Variants in LRFN1 observed in about 807,000 individuals in gnomAD.
LRFN1 encodes leucine-rich repeat and fibronectin type III domain-containing protein 1.
Under a neutral mutation model 31.8 loss-of-function variants are expected in LRFN1, and 20 were observed. The observed-to-expected ratio is 0.63, with a 90% CI of 0.44 to 0.91. The LOEUF is 0.91. Among genes scored for constraint, LRFN1 ranks in the 40% least tolerant of loss-of-function variants. The pLI, the probability that LRFN1 is intolerant of heterozygous loss-of-function variation, is 0.00. For missense variants in LRFN1, 912 were observed against 1,129.8 expected (o/e 0.81, Z 2.76); for synonymous variants, 514 against 541.3 (o/e 0.95, Z 0.70).
chr19:39,310,851 A>G (rs2075148187), intron 4 of LRFN1, among the ~76,000 whole-genome samples: 1 of 151,850 alleles, frequency 6.6e-6, no homozygotes, highest in Non-Finnish European at 1.5e-5. Context: ...TTCTCCCACT[A>G]CCAAGAGCCA....
chr19:39,311,735 G>A (rs1204257801), intron 4 of LRFN1, among the ~76,000 whole-genome samples: 3 of 152,162 alleles, frequency 2.0e-5, no homozygotes, highest in Non-Finnish European at 4.4e-5. Flanking sequence ...ATGTTTGTAA[G>A]GCTGGGCCAG....
chr19:39,320,143 C>T (rs934988765), intron 1 of LRFN1, among the ~76,000 whole-genome samples: 4 of 150,220 alleles, frequency 2.7e-5, no homozygotes, highest in Admixed American at 2.0e-4. Context: ...ATGGCCGCTT[C>T]CCCCAGGACC....
rs30476 is a variant in LRFN1 at position 39,307,245 on chromosome 19, C to T, written c.*388G>A. ...TCCAGCCAGATACAAGAAATGGGCC[C>T]CTCGCCCCGGCCCCGGGTGACGGGC... On this transcript the variant is annotated 3_prime_UTR_variant, in exon 5 of 5. Transcript: ENST00000248668. The surrounding 1 kb of genome is among the most constrained non-coding windows in gnomAD (Gnocchi z 6.7). 14,581 of 397,856 alleles carry T rather than the reference C, an allele frequency of 0.037. 1,813 individuals are homozygous for T. Among genetic ancestry groups the T allele is most frequent in the African/African-American group, 0.27 (13,005 of 48,600 alleles). 24.6% of individuals were successfully genotyped at this position (397,856 alleles called of 1,614,324 possible).
chr19:39,307,486 G>T lies in LRFN1; in HGVS notation c.*147C>A. The T allele has an allele frequency of 1.1e-6, 1 of 936,752 alleles. No homozygotes were observed. The highest frequency in any genetic ancestry group is 1.4e-6 in the Non-Finnish European group (1 of 704,386). The allele number at this position is 936,752 out of a possible 1,614,324, so 58.0% of individuals were successfully genotyped here. The stretch of plus-strand genomic sequence containing the variant: ...GCGTGGCCTCGAGCCGCAGCCCGAG[G>T]CTGCCCCGCCCCCTCCCGGGGACAA... On this transcript the variant is annotated 3_prime_UTR_variant, in exon 5 of 5. Coordinates refer to ENST00000248668, the MANE Select transcript of LRFN1 (RefSeq NM_020862.2). This position sits in a 1 kb window ranked among gnomAD's most constrained non-coding sequence, Gnocchi z 6.7.
chr19:39,308,217 G>C lies in LRFN1; in HGVS notation c.1732C>G (p.Arg578Gly). The change falls in exon 5 of 5, where the codon CGG becomes GGG. Residue 578 changes from arginine (R) to glycine (G), a missense_variant. Physicochemically the swap from Arg to Gly is moderately radical, Grantham distance 125. This residue lies in a region of LRFN1 where 511 missense variants were observed against 557.0 expected (regional missense o/e 0.92). Coordinates refer to ENST00000248668, the MANE Select transcript of LRFN1 (RefSeq NM_020862.2). The surrounding 1 kb of genome is among the most constrained non-coding windows in gnomAD (Gnocchi z 6.2). ...GTCTGCGAGCACACGTGGCTGACCC[G>C]CGGGAGCGACCTGGAGCCCTTGACG... Reference protein sequence around the residue: ...RRVKGSRSLPRVSHVCSQTNG... With the variant: ...RRVKGSRSLPGVSHVCSQTNG... The C allele has an allele frequency of 6.8e-6, 11 of 1,609,836 alleles. No homozygotes were observed. The highest frequency in any genetic ancestry group is 8.5e-6 in the Non-Finnish European group (10 of 1,177,754).
rs1021493539 is a variant in LRFN1 at position 39,306,767 on chromosome 19, A to C, written c.*866T>G. 2 of 151,588 alleles carry C rather than the reference A, an allele frequency of 1.3e-5. No homozygotes were observed. The highest frequency in any genetic ancestry group is 2.9e-5 in the Non-Finnish European group (2 of 69,538). The allele number at this position is 151,588 out of a possible 1,614,324, so 9.4% of individuals were successfully genotyped here. On this transcript the variant is annotated 3_prime_UTR_variant, in exon 5 of 5. Coordinates refer to ENST00000248668, the MANE Select transcript of LRFN1 (RefSeq NM_020862.2). The stretch of plus-strand genomic sequence containing the variant: ...CACACACACACACACACACACACAC[A>C]CACACTACACGCGGACACACATACA...
Position 39,308,088 on chromosome 19 carries a change from C to T in LRFN1, c.1861G>A (p.Val621Ile). The change falls in exon 5 of 5, where the codon GTC becomes ATC. Residue 621 changes from valine to isoleucine, a missense_variant. Physicochemically the swap from Val to Ile is conservative, Grantham distance 29. Transcript: ENST00000248668. This position sits in a 1 kb window ranked among gnomAD's most constrained non-coding sequence, Gnocchi z 6.2. ...VESQAAPAVA[V>I]EAKAMEAETA... is the part of the protein sequence containing the mutation. ...TCGGCCTCCATGGCCTTGGCCTCGACGGCGACGGCGGGGGCAGCCTGGGAC... is the reference window on the plus strand; with the variant it reads ...TCGGCCTCCATGGCCTTGGCCTCGATGGCGACGGCGGGGGCAGCCTGGGAC... 1 of 1,495,556 alleles carries T rather than the reference C, an allele frequency of 6.7e-7. No individual in the cohort carries two copies. Among genetic ancestry groups the T allele is most frequent in the Non-Finnish European group, 8.9e-7 (1 of 1,128,660 alleles). The allele number at this position is 1,495,556 out of a possible 1,614,324, so 92.6% of individuals were successfully genotyped here.
chr19:39,318,300 C>T (rs2075177927), intron 2 of LRFN1, 26 bp downstream of exon 2: 1 of 152,752 alleles, frequency 6.5e-6, no homozygotes. Context: ...GTCTCTCTCT[C>T]TCTGAAGCCT....
intron 2 of LRFN1, among the ~76,000 whole-genome samples, chr19:39,316,566 G>A (rs747276696): frequency 3.3e-5 from 5 of 152,188 alleles, no homozygotes; most frequent in Non-Finnish European, 7.3e-5. Flanking sequence ...AAGTGGGAGG[G>A]ACTGAGGAAA....
chr19:39,315,119 G>A lies in LRFN1; in HGVS notation c.218C>T (p.Thr73Ile). ...GCGCACGGCGGCGATGAAGTTGTCG[G>A]TGAGCCGCAGCTCCACCACGCGCCG... ...IDRRVVELRL[T>I]DNFIAAVRRR... Residue 73 changes from threonine (T) to isoleucine (I), a missense_variant, in exon 4 of 5, where the codon ACC becomes ATC. Physicochemically the swap from Thr to Ile is moderately conservative, Grantham distance 89. Coordinates refer to ENST00000248668, the MANE Select transcript of LRFN1 (RefSeq NM_020862.2). This position sits in a 1 kb window ranked among gnomAD's most constrained non-coding sequence, Gnocchi z 4.7. 6.3e-7 allele frequency: 1 copy of A among 1,593,402 alleles called. No individual in the cohort carries two copies.
rs754600165 is a variant in LRFN1, at chr19:39,314,446, C to T, written c.891G>A (p.Glu297=). 1.8e-5 allele frequency: 29 copies of T among 1,609,316 alleles called. No individual in the cohort carries two copies. The highest frequency in any genetic ancestry group is 2.4e-5 in the Non-Finnish European group (28 of 1,178,944). ...CCGCCTGCCGTGTGATCAGCGGGGGCTCACACAGGAACTCCTCCTCGGGGA... is the reference window on the plus strand; with the variant it reads ...CCGCCTGCCGTGTGATCAGCGGGGGTTCACACAGGAACTCCTCCTCGGGGA... ...WSIPEEEFLC[E]PPLITRQAGG... is the part of the protein sequence containing the mutation. The change falls in exon 4 of 5, where the codon GAG becomes GAA. Residue 297 remains glutamate (E), a synonymous_variant. Coordinates refer to ENST00000248668, the MANE Select transcript of LRFN1 (RefSeq NM_020862.2).
rs767647492 is a variant in LRFN1, at chr19:39,313,938, C to T, written c.1399G>A (p.Val467Ile). 2.5e-6 allele frequency: 4 copies of T among 1,587,624 alleles called. No homozygotes were observed. Among genetic ancestry groups the T allele is most frequent in the East Asian group, 2.3e-5 (1 of 44,398 alleles). ...TGCAGCACCCGCACCCACCTGTAGA[C>T]GAGGGAGTCATCAACGGAACTGTTG... ...QYNSSVDDSL[V>I]YRMIPSTSQT... is the part of the protein sequence containing the mutation. The change falls in exon 4 of 5, where the codon GTC becomes ATC. Residue 467 changes from valine (V) to isoleucine (I), a missense_variant. Transcript: ENST00000248668.
Position 39,314,091 on chromosome 19 carries a change from T to G in LRFN1, c.1246A>C (p.Arg416=), listed in dbSNP as rs1198937287. The change falls in exon 4 of 5, where the codon AGA becomes CGA. Residue 416 remains arginine (R), a synonymous_variant. Coordinates refer to ENST00000248668, the MANE Select transcript of LRFN1 (RefSeq NM_020862.2). The part of the protein sequence containing the change: ...PGSSDIATPG[R]PGANDSAAER... The stretch of plus-strand genomic sequence containing the variant: ...GCCGCAGAATCGTTGGCACCTGGTC[T>G]GCCCGGCGTGGCGATGTCAGAGGAG... 1.2e-6 allele frequency: 2 copies of G among 1,612,390 alleles called. No individual in the cohort carries two copies. Among genetic ancestry groups the G allele is most frequent in the Admixed American group, 3.3e-5 (2 of 59,964 alleles).
In LRFN1 at chr19:39,314,537, G is replaced by T. The variant is rs1283881345; in HGVS notation, c.800C>A (p.Thr267Asn). 4 of 1,609,494 alleles carry T rather than the reference G, an allele frequency of 2.5e-6. No individual in the cohort carries two copies. The highest frequency in any genetic ancestry group is 3.4e-6 in the Non-Finnish European group (4 of 1,178,696). ...GCAGGTCTCTAAGTCGTCCTCGCGG[G>T]TCAGCCGCCGCAGCCAGAGCAGCTC... ...NCELLWLRRL[T>N]REDDLETCAT... The change falls in exon 4 of 5, where the codon ACC (threonine) becomes AAC (asparagine). Residue 267 changes from threonine to asparagine, a missense_variant. Thr to Asn is a moderately conservative substitution (Grantham distance 65). Around this residue, in one of 2 missense-constraint regions of LRFN1, gnomAD observed 401 missense variants for 572.7 expected, o/e 0.70. Coordinates refer to ENST00000248668, the MANE Select transcript of LRFN1 (RefSeq NM_020862.2).
In LRFN1 at chr19:39,307,824, C is replaced by T; in HGVS notation, c.2125G>A (p.Asp709Asn). The T allele has an allele frequency of 6.7e-7, 1 of 1,493,832 alleles. No individual in the cohort carries two copies. Among genetic ancestry groups the T allele is most frequent in the South Asian group, 1.3e-5 (1 of 75,756 alleles). 92.5% of individuals were successfully genotyped at this position (1,493,832 alleles called of 1,614,324 possible). A position where few individuals can be genotyped will look rare whatever the true frequency, so the allele number is the denominator to read the frequency against. ...TGGCTCTGGAATAGTGCCCCGTAGT[C>T]CCCGTCGAACGAATAGCGCTGCTGC... ...RPQQRYSFDG[D>N]YGALFQSHSY... The change falls in exon 5 of 5, where the codon GAC (aspartate) becomes AAC (asparagine). Residue 709 changes from aspartate to asparagine, a missense_variant. Around this residue, in one of 2 missense-constraint regions of LRFN1, gnomAD observed 511 missense variants for 557.0 expected, o/e 0.92. Coordinates refer to ENST00000248668, the MANE Select transcript of LRFN1 (RefSeq NM_020862.2). This position sits in a 1 kb window ranked among gnomAD's most constrained non-coding sequence, Gnocchi z 6.7.
At chr19:39,316,287 AG>A (rs748363881) in intron 2 of LRFN1, among the ~76,000 whole-genome samples, 151 bp from the exon 3 acceptor site, 7 of 152,226 alleles carry the variant, frequency 4.6e-5, no homozygotes, top group Admixed American at 4.6e-4. Context: ...AATATGTACC[AG>A]GCATAGAACA....
chr19:39,310,501 TCCTGCTAGGCCTTGG>T (rs2075146876), intron 4 of LRFN1, among the ~76,000 whole-genome samples: 1 of 152,216 alleles, frequency 6.6e-6, no homozygotes, highest in Non-Finnish European at 1.5e-5. Flanking sequence ...GGAGGGCCAT[TCCTGCTAGGCCTTGG>T]CCCTCTTCTG....
At chr19:39,312,167 G>A (rs1469346206) in intron 4 of LRFN1, among the ~76,000 whole-genome samples, 1 of 152,028 alleles carries the variant, frequency 6.6e-6, no homozygotes, top group Non-Finnish European at 1.5e-5. Context: ...ATCGCGCCCG[G>A]CCAAGAGGCA....
chr19:39,311,870 G>A (rs1285095599), intron 4 of LRFN1, among the ~76,000 whole-genome samples: 3 of 150,224 alleles, frequency 2.0e-5, no homozygotes, highest in Admixed American at 1.3e-4. Flanking sequence ...AAAAGAAAAG[G>A]GAGGCTTTTT....
Sources: gnomAD v4.1 joint callset for allele counts (sites outside exome capture counted in the v4.1 genomes callset) on GRCh38, gnomAD v4.1.1 for gene constraint, gnomAD v4.1.1 regional missense constraint, Gnocchi (gnomAD v3.1) non-coding constraint, MANE v1.5 for transcripts, NCBI Gene and HGNC (gene_info 2026-07-23, HGNC 2026-07-21) for gene names.